The following PDE8B variants were observed in gnomAD, a reference collection of about 807,000 sequenced individuals.
The protein encoded by PDE8B is high affinity cAMP-specific and IBMX-insensitive 3',5'-cyclic phosphodiesterase 8B.
A neutral mutation model predicts 101.3 loss-of-function variants in PDE8B; 26 were observed. The observed-to-expected ratio is 0.26, with a 90% CI of 0.19 to 0.36. The LOEUF is 0.36. Among genes scored for constraint, PDE8B ranks in the 10% least tolerant of loss-of-function variants. PDE8B has a pLI of 1.00. For synonymous variants in PDE8B, 424 were observed against 429.3 expected (o/e 0.99, Z 0.15); for missense variants, 810 against 1,163.1 (o/e 0.70, Z 4.42).
At chr5:77,371,114 T>A (rs1460531389) in intron 10 of PDE8B, among the ~76,000 whole-genome samples, 2 of 152,214 alleles carry the variant, frequency 1.3e-5, no homozygotes, top group Non-Finnish European at 2.9e-5. Flanking sequence ...CAGTATATTT[T>A]AAGAAGTTTT....
the PDE8B span, among the ~76,000 whole-genome samples, chr5:77,149,847 G>A: frequency 6.6e-6 from 1 of 152,104 alleles, no homozygotes; most frequent in Non-Finnish European, 1.5e-5. Flanking sequence ...CTTTTAATGA[G>A]CTATTATGTC....
chr5:77,296,161 ATCT>A (rs72348076), intron 1 of PDE8B, among the ~76,000 whole-genome samples: 25,401 of 151,260 alleles, frequency 0.17, 2,281 homozygotes, highest in Non-Finnish European at 0.21. Context: ...CTTCTTCATC[ATCT>A]TCTTCTTTTT....
chr5:77,123,356 T>TCCCCCCCCCCCCCCCCC, the PDE8B span, among the ~76,000 whole-genome samples: 1 of 145,840 alleles, frequency 6.9e-6, no homozygotes, highest in Non-Finnish European at 1.5e-5. Context: ...GTTGAATTCC[T>TCCCCCCCCCCCCCCCCC]CCCCCACCGC....
intron 1 of PDE8B, among the ~76,000 whole-genome samples, chr5:77,304,265 A>G (rs1320886459): frequency 6.6e-6 from 1 of 152,184 alleles, no homozygotes; most frequent in African/African-American, 2.4e-5. Flanking sequence ...TCTCATTGTA[A>G]TTTAAAATTT....
intron 1 of PDE8B, among the ~76,000 whole-genome samples, chr5:77,239,546 C>G (rs1755324785): frequency 6.6e-6 from 1 of 152,224 alleles, no homozygotes; most frequent in Non-Finnish European, 1.5e-5. Context: ...CCTTTCTTTT[C>G]TCTAATTCTT....
chr5:77,337,878 C>CGTGTCT (rs1188362358), intron 6 of PDE8B, among the ~76,000 whole-genome samples: 1 of 152,186 alleles, frequency 6.6e-6, no homozygotes, highest in African/African-American at 2.4e-5. Context: ...GGATTCTCTG[C>CGTGTCT]GTGTCTGGCT....
the PDE8B span, among the ~76,000 whole-genome samples, chr5:77,199,812 T>A: frequency 1.3e-5 from 2 of 152,316 alleles, no homozygotes; most frequent in African/African-American, 4.8e-5. Context: ...AGTATAAGAC[T>A]GTTACATAGT....
At chr5:77,252,375 G>A (rs1483200717) in intron 1 of PDE8B, among the ~76,000 whole-genome samples, 1 of 152,154 alleles carries the variant, frequency 6.6e-6, no homozygotes, top group African/African-American at 2.4e-5. Flanking sequence ...ATACTCATGG[G>A]TACTCAATTT....
chr5:77,254,404 A>C (rs1050746564), intron 1 of PDE8B, among the ~76,000 whole-genome samples: 3 of 152,192 alleles, frequency 2.0e-5, no homozygotes, highest in African/African-American at 4.8e-5. Flanking sequence ...AAATTGAAAT[A>C]ATTGCACTGA....
intron 2 of PDE8B, among the ~76,000 whole-genome samples, chr5:77,318,779 A>G (rs934285911): frequency 1.3e-5 from 2 of 152,196 alleles, no homozygotes; most frequent in African/African-American, 2.4e-5. Flanking sequence ...TGTGATCTAT[A>G]TATGTGGTCT....
chr5:77,138,925 G>C, the PDE8B span, among the ~76,000 whole-genome samples: 2 of 152,164 alleles, frequency 1.3e-5, no homozygotes, highest in Admixed American at 1.3e-4. Context: ...TAGGTTATTT[G>C]AGCTGAATTT....
At chr5:77,190,416 T>C in the PDE8B span, among the ~76,000 whole-genome samples, 1 of 152,198 alleles carries the variant, frequency 6.6e-6, no homozygotes, top group Non-Finnish European at 1.5e-5. Context: ...TCTTAATAAA[T>C]GAATCATAAT....
intron 7 of PDE8B, 113 bp from the exon 8 acceptor site, chr5:77,349,306 T>G (rs541330617): frequency 2.8e-6 from 4 of 1,412,908 alleles, no homozygotes; most frequent in East Asian, 4.6e-5. Flanking sequence ...CCCTGGGAAC[T>G]TCTTGCTTGA....
upstream of PDE8B, among the ~76,000 whole-genome samples, chr5:77,208,524 G>A (rs932606877): frequency 6.6e-6 from 1 of 152,222 alleles, no homozygotes; most frequent in African/African-American, 2.4e-5. Context: ...TCCTTTGGAA[G>A]TAGAGCAGAT....
intron 10 of PDE8B, among the ~76,000 whole-genome samples, chr5:77,359,467 TG>T (rs1309722732): frequency 2.0e-5 from 3 of 152,168 alleles, no homozygotes; most frequent in African/African-American, 4.8e-5. Flanking sequence ...GACAGCAGGC[TG>T]GGGGGTGTCT....
chr5:77,410,181 G>A (rs768456777), intron 14 of PDE8B, among the ~76,000 whole-genome samples: 1 of 152,248 alleles, frequency 6.6e-6, no homozygotes, highest in Non-Finnish European at 1.5e-5. Context: ...TTCTATTGAA[G>A]CAGCAGTTGT....
At chr5:77,156,013 A>G in the PDE8B span, among the ~76,000 whole-genome samples, 2 of 152,248 alleles carry the variant, frequency 1.3e-5, no homozygotes, top group Non-Finnish European at 2.9e-5. Flanking sequence ...AAAATGGTGG[A>G]TAATAAAAAT....
At chr5:77,353,503 C>G in intron 10 of PDE8B, 97 bp downstream of exon 10, 1 of 810,532 alleles carries the variant, frequency 1.2e-6, no homozygotes, top group Non-Finnish European at 2.2e-6. Flanking sequence ...TGTCTTTCTC[C>G]ATGTCTAATT....
intron 1 of PDE8B, among the ~76,000 whole-genome samples, chr5:77,255,382 A>G (rs905020556): frequency 2.0e-5 from 3 of 152,204 alleles, no homozygotes; most frequent in Non-Finnish European, 4.4e-5. Context: ...ACAGGGCCCT[A>G]TTCTCAGAAG....
Sources: gnomAD v4.1 joint callset for allele counts (sites outside exome capture counted in the v4.1 genomes callset) on GRCh38, gnomAD v4.1.1 for gene constraint, MANE v1.5 for transcripts, NCBI Gene and HGNC (gene_info 2026-07-23, HGNC 2026-07-21) for gene names.